Variants in TMPRSS12 observed in about 807,000 individuals in gnomAD.
TMPRSS12 encodes transmembrane protease serine 12.
In TMPRSS12, 25 loss-of-function variants were observed where a neutral mutation model predicts 26.0. The ratio of observed to expected loss-of-function variants is 0.96; its 90% CI spans 0.70 to 1.34. The LOEUF is 1.34. Among genes scored for constraint, TMPRSS12 ranks in the 40% most tolerant of loss-of-function variants. The pLI, the probability that TMPRSS12 is intolerant of heterozygous loss-of-function variation, is 0.00. For missense variants in TMPRSS12, 441 were observed against 440.1 expected, an observed-to-expected ratio of 1.00 and a Z score of -0.02; for synonymous variants, 150 against 161.7, an observed-to-expected ratio of 0.93 and a Z score of 0.55.
At chr12:50,868,514 C>G (rs910621322) in intron 3 of TMPRSS12, among the ~76,000 whole-genome samples, 4 of 151,996 alleles carry the variant, frequency 2.6e-5, no homozygotes, top group Non-Finnish European at 5.9e-5. Context: ...ACTAATAGAC[C>G]TAAGGAATGA....
Position 50,887,250 on chromosome 12 carries a change from C to CT in TMPRSS12, c.796-6dup, listed in dbSNP as rs1257674192. On this transcript the variant is annotated splice_polypyrimidine_tract_variant and intron_variant, in intron 4 of 4. Transcript: ENST00000398458. ...AGAAGTAACAAACACTATTTTGGGA[C>CT]TTTTTTGACAGGGTGACAGTGGGGG... is the stretch of plus-strand genomic sequence containing the variant. The CT allele has an allele frequency of 2.3e-5, 37 of 1,609,882 alleles. No homozygotes were observed. The highest frequency in any genetic ancestry group is 3.3e-4 in the Middle Eastern group (2 of 6,056).
intron 3 of TMPRSS12, among the ~76,000 whole-genome samples, chr12:50,866,149 GA>G (rs1937989205): frequency 6.6e-6 from 1 of 152,090 alleles, no homozygotes; most frequent in African/African-American, 2.4e-5. Context: ...AGAATCCCAA[GA>G]CAACCCACAG....
chr12:50,880,854 T>G (rs1490780704), intron 3 of TMPRSS12, among the ~76,000 whole-genome samples: 2 of 151,918 alleles, frequency 1.3e-5, no homozygotes, highest in Non-Finnish European at 2.9e-5. Flanking sequence ...CTTGAAAACC[T>G]TGGTATATAG....
chr12:50,858,962 T>G lies in TMPRSS12; in HGVS notation c.561T>G (p.Ile187Met). ...LKKAVRYNDY[I>M]QPICLPFDVF... Reference sequence around the variant, plus strand: ...AAGCAGTGAGGTATAATGACTATATTCAGCCTATTTGCCTACCTTTTGATG... The same window carrying G: ...AAGCAGTGAGGTATAATGACTATATGCAGCCTATTTGCCTACCTTTTGATG... Residue 187 changes from isoleucine (I) to methionine (M), a missense_variant, in exon 3 of 5, where the codon ATT becomes ATG. Physicochemically the swap from Ile to Met is conservative, Grantham distance 10. Transcript: ENST00000398458. 6.3e-7 allele frequency: 1 copy of G among 1,594,596 alleles called. No homozygotes were observed. The highest frequency in any genetic ancestry group is 1.8e-5 in the Admixed American group (1 of 56,528).
intron 4 of TMPRSS12, chr12:50,886,916 T>C (rs140361334): frequency 2.8e-4 from 56 of 202,392 alleles, no homozygotes; most frequent in Non-Finnish European, 4.7e-4. Context: ...ATTCTAATAA[T>C]AGACAGTTTT....
intron 2 of TMPRSS12, among the ~76,000 whole-genome samples, chr12:50,853,713 G>C (rs890370432): frequency 2.3e-4 from 35 of 151,876 alleles, no homozygotes; most frequent in African/African-American, 8.5e-4. Flanking sequence ...ACATCTGAAT[G>C]TACACAAACT....
In TMPRSS12 at chr12:50,856,275, A is replaced by G. The variant is rs1211140108; in HGVS notation, c.384-2510A>G. The stretch of plus-strand genomic sequence containing the variant: ...CTATCTTGCTCCTTCTCATCATGCA[A>G]TGCTCCTGTTCCCCTTTCCCCTTAC... On this transcript the variant is annotated intron_variant, in intron 2 of 4. Coordinates refer to ENST00000398458, the MANE Select transcript of TMPRSS12 (RefSeq NM_182559.3). Among the ~76,000 whole-genome samples, 7 of 152,194 alleles carry G rather than the reference A, an allele frequency of 4.6e-5. No homozygotes were observed. The East Asian group carries it at 9.6e-4, about 21-fold the overall frequency.
chr12:50,871,083 T>C (rs1938038046), intron 3 of TMPRSS12, among the ~76,000 whole-genome samples: 3 of 151,958 alleles, frequency 2.0e-5, no homozygotes, highest in Admixed American at 2.0e-4. Flanking sequence ...CTTCAAAGAA[T>C]TATAAAAAAG....
intron 3 of TMPRSS12, among the ~76,000 whole-genome samples, chr12:50,861,030 A>G (rs1326740595): frequency 6.6e-6 from 1 of 152,140 alleles, no homozygotes; most frequent in Non-Finnish European, 1.5e-5. Flanking sequence ...AGGCATGAGC[A>G]CCATGCCTGT....
chr12:50,866,286 G>A (rs1258269050), intron 3 of TMPRSS12, among the ~76,000 whole-genome samples: 1 of 152,188 alleles, frequency 6.6e-6, no homozygotes, highest in Non-Finnish European at 1.5e-5. Flanking sequence ...ACTTGGTGCT[G>A]TTGAGGGGCA....
rs1015431518 is a variant in TMPRSS12 at position 50,843,718 on chromosome 12, G to C, written c.188-124G>C. The C allele has an allele frequency of 7.3e-6, 7 of 962,870 alleles. No individual in the cohort carries two copies. In the African/African-American group the frequency reaches 8.5e-5, roughly 12 times the overall value. 59.6% of individuals were successfully genotyped at this position (962,870 alleles called of 1,614,324 possible). A position where few individuals can be genotyped will look rare whatever the true frequency, so the allele number is the denominator to read the frequency against. On this transcript the variant is annotated intron_variant, in intron 1 of 4. Coordinates refer to ENST00000398458, the MANE Select transcript of TMPRSS12 (RefSeq NM_182559.3). The stretch of plus-strand genomic sequence containing the variant: ...TCTTTCAAAATATGGGCGTGTCTCC[G>C]GTATGTTAGCTTGCTTTGTGTTTTT...
chr12:50,869,292 C>A (rs1938020530), intron 3 of TMPRSS12, among the ~76,000 whole-genome samples: 1 of 152,034 alleles, frequency 6.6e-6, no homozygotes, highest in South Asian at 2.1e-4. Flanking sequence ...ATCCAAATAA[C>A]CTCAATAAGA....
intron 3 of TMPRSS12, among the ~76,000 whole-genome samples, chr12:50,881,927 C>T (rs773230981): frequency 8.9e-4 from 109 of 122,980 alleles, no homozygotes; most frequent in South Asian, 7.8e-3. Context: ...GCCAAGATAA[C>T]GCCACTGCAC....
chr12:50,843,738 G>T, intron 1 of TMPRSS12, 104 bp from the exon 2 acceptor site: 1 of 1,234,426 alleles, frequency 8.1e-7, no homozygotes, highest in Non-Finnish European at 1.1e-6. Flanking sequence ...CTTGCTTTGT[G>T]TTTTTAACAT....
chr12:50,883,105 G>T (rs1938191514), intron 3 of TMPRSS12, among the ~76,000 whole-genome samples: 2 of 152,118 alleles, frequency 1.3e-5, no homozygotes, highest in Admixed American at 1.3e-4. Context: ...AAATTAGGAG[G>T]CTTGCTTGAG....
Position 50,887,487 on chromosome 12 carries a change from T to G in TMPRSS12, c.1021T>G (p.Phe341Val). ...LRGQILIALC[F>V]VILLATT is the part of the protein sequence containing the mutation. ...TGGCCAGATCCTCATAGCTTTATGTTTTGTCATCTTACTAGCAACAACATA... is the reference window on the plus strand; with the variant it reads ...TGGCCAGATCCTCATAGCTTTATGTGTTGTCATCTTACTAGCAACAACATA... The change falls in exon 5 of 5, where the codon TTT (phenylalanine) becomes GTT (valine). Residue 341 changes from phenylalanine to valine, a missense_variant. Transcript: ENST00000398458. 1.2e-6 allele frequency: 2 copies of G among 1,613,100 alleles called. No homozygotes were observed. Among genetic ancestry groups the G allele is most frequent in the Non-Finnish European group, 1.7e-6 (2 of 1,179,570 alleles).
intron 3 of TMPRSS12, among the ~76,000 whole-genome samples, chr12:50,877,768 C>T (rs113162612): frequency 0.043 from 6,604 of 152,152 alleles, 495 homozygotes; most frequent in African/African-American, 0.15. Flanking sequence ...CGCCGCCACG[C>T]GTGGCTAAGT....
chr12:50,852,136 A>G (rs1404535764), intron 2 of TMPRSS12, among the ~76,000 whole-genome samples: 1 of 152,242 alleles, frequency 6.6e-6, no homozygotes, highest in East Asian at 1.9e-4. Flanking sequence ...AAGCAACTAC[A>G]CAATCAAGTT....
Position 50,858,812 on chromosome 12 carries a change from TG to T in TMPRSS12, c.413del (p.Gly138GlufsTer15). On this transcript the variant is annotated frameshift_variant, in exon 3 of 5. Transcript: ENST00000398458. LOFTEE classifies it high-confidence loss of function. ...ATCCTTTAATGTGGACAGCTGTGATTGGAACTAATAATATACATGGACGCTA... is the reference window on the plus strand; with the variant it reads ...ATCCTTTAATGTGGACAGCTGTGATTGAACTAATAATATACATGGACGCTA... Reference protein sequence around the residue: ...SDPLMWTAVIGTNNIHGRYPH... With the variant: ...SDPLMWTAVIXTNNIHGRYPH... 6.2e-7 allele frequency: 1 copy of T among 1,600,244 alleles called. No individual in the cohort carries two copies. The highest frequency in any genetic ancestry group is 8.5e-7 in the Non-Finnish European group (1 of 1,174,848).
Sources: allele counts gnomAD v4.1 joint callset (sites outside exome capture counted in the v4.1 genomes callset), GRCh38; gene constraint gnomAD v4.1.1; transcripts MANE v1.5; gene names NCBI Gene and HGNC (gene_info 2026-07-23, HGNC 2026-07-21).